ITSN2: variants seen among roughly 807,000 people sequenced by gnomAD.
ITSN2 encodes intersectin-2.
In ITSN2, 156 loss-of-function variants were observed where a neutral mutation model predicts 243.7. The ratio of observed to expected loss-of-function variants is 0.64; its 90% CI spans 0.56 to 0.73. ITSN2 has a LOEUF of 0.73. Among genes scored for constraint, ITSN2 ranks in the 30% least tolerant of loss-of-function variants. The pLI is 0.00. For synonymous variants in ITSN2, 703 were observed against 699.9 expected, an observed-to-expected ratio of 1.00 and a Z score of -0.07; for missense variants, 1,801 against 1,996.1, an observed-to-expected ratio of 0.90 and a Z score of 1.86.
chr2:24,342,001 T>A (rs1202081684), intron 1 of ITSN2, among the ~76,000 whole-genome samples: 2 of 152,116 alleles, frequency 1.3e-5, no homozygotes, highest in East Asian at 3.8e-4. Context: ...GGAGAGAAGT[T>A]ACCTAATGGA....
In ITSN2 at chr2:24,293,346, T is replaced by C. The variant is rs117510138; in HGVS notation, c.1723+342A>G. On this transcript the variant is annotated intron_variant, in intron 15 of 39. Coordinates refer to ENST00000355123, the MANE Select transcript of ITSN2 (RefSeq NM_006277.3). ...CCTCCTCCTGAACAGTTCTTTAAAA[T>C]CAGTGCAGGACTTTTCAAAATGCAC... 3.0e-4 allele frequency: 50 copies of C among 168,294 alleles called. No individual in the cohort carries two copies. The East Asian group carries it at 8.2e-3, about 27-fold the overall frequency. The allele number at this position is 168,294 out of a possible 1,614,324, so 10.4% of individuals were successfully genotyped here. A position where few individuals can be genotyped will look rare whatever the true frequency, so the allele number is the denominator to read the frequency against.
intron 29 of ITSN2, chr2:24,239,958 G>A (rs1296833416): frequency 6.6e-6 from 1 of 152,024 alleles, no homozygotes; most frequent in Non-Finnish European, 1.5e-5. Context: ...GGTACCTGAT[G>A]AACATATTAT....
Position 24,312,369 on chromosome 2 carries a change from T to C in ITSN2, c.195A>G (p.Leu65=), listed in dbSNP as rs373623979. ...PAPVLAEIWA[L]SDLNKDGKMD... Reference sequence around the variant, plus strand: ...TCTTCCCATCCTTGTTTAGGTCTGATAAAGCCCTAAAAGGAGCATGAGGTA... The same window carrying C: ...TCTTCCCATCCTTGTTTAGGTCTGACAAAGCCCTAAAAGGAGCATGAGGTA... Residue 65 remains leucine (L), a synonymous_variant, in exon 5 of 40, where the codon TTA becomes TTG. Coordinates refer to ENST00000355123, the MANE Select transcript of ITSN2 (RefSeq NM_006277.3). 227 of 1,607,984 alleles carry C rather than the reference T, an allele frequency of 1.4e-4. No individual in the cohort carries two copies. The highest frequency in any genetic ancestry group is 1.9e-4 in the Non-Finnish European group (219 of 1,176,834).
rs942109451 is a variant in ITSN2, at chr2:24,211,162, G to A, written c.4090-215C>T. 2.6e-5 allele frequency among the ~76,000 whole-genome samples: 4 copies of A among 152,224 alleles called. No homozygotes were observed. Among genetic ancestry groups the A allele is most frequent in the African/African-American group, 9.6e-5 (4 of 41,468 alleles). ...ACAGGTAACGCTGCTGTGACAAGGT[G>A]ACAGTGCTAAACGGATCAAGTGCTC... is the stretch of plus-strand genomic sequence containing the variant. On this transcript the variant is annotated intron_variant, in intron 33 of 39. Transcript: ENST00000355123. The surrounding 1 kb of genome is among the most constrained non-coding windows in gnomAD (Gnocchi z 4.1).
chr2:24,309,525 A>ATT (rs1056761493), intron 7 of ITSN2, among the ~76,000 whole-genome samples: 1 of 152,126 alleles, frequency 6.6e-6, no homozygotes, highest in African/African-American at 2.4e-5. Context: ...TGCATTTTAC[A>ATT]TTTTTTTAAA....
chr2:24,231,236 T>C (rs1416072522), intron 29 of ITSN2, among the ~76,000 whole-genome samples: 1 of 152,362 alleles, frequency 6.6e-6, no homozygotes, highest in South Asian at 2.1e-4. Context: ...GTTCGTTTTC[T>C]GTTTTAGCCT....
rs2151614713 is a variant in ITSN2 at position 24,293,774 on chromosome 2, T to C, written c.1637A>G (p.Glu546Gly). Residue 546 changes from glutamate (E) to glycine (G), a missense_variant and splice_region_variant, in exon 15 of 40, where the codon GAA becomes GGA. By Grantham distance (98) the Glu-to-Gly change is moderately conservative. This residue lies in a region of ITSN2 where 787 missense variants were observed against 803.9 expected (regional missense o/e 0.98). Coordinates refer to ENST00000355123, the MANE Select transcript of ITSN2 (RefSeq NM_006277.3). ...CAGATAGATAAGCTTATTCTGATAT[T>C]CCTTATAAAAAGAAAAAATAGTACC... ...EIKQLQQELQ[E>G]YQNKLIYLVP... 1.1e-6 allele frequency: 1 copy of C among 942,210 alleles called. No individual in the cohort carries two copies. Among genetic ancestry groups the C allele is most frequent in the East Asian group, 2.8e-5 (1 of 36,220 alleles). 58.4% of individuals were successfully genotyped at this position (942,210 alleles called of 1,614,324 possible).
chr2:24,328,000 A>C, intron 2 of ITSN2, 52 bp downstream of exon 2: 1 of 96,050 alleles, frequency 1.0e-5, no homozygotes, highest in Non-Finnish European at 1.2e-5. Flanking sequence ...ACCTCTACCA[A>C]AAAAAAAAAA....
At chr2:24,219,703 GGGC>G (rs1283244321) in intron 30 of ITSN2, among the ~76,000 whole-genome samples, 3 of 152,266 alleles carry the variant, frequency 2.0e-5, no homozygotes, top group South Asian at 4.2e-4. Context: ...TCAGAGTATG[GGGC>G]AAGCACCCGG....
chr2:24,208,044 C>T (rs746243725), intron 37 of ITSN2, among the ~76,000 whole-genome samples, 193 bp downstream of exon 37: 12 of 151,940 alleles, frequency 7.9e-5, no homozygotes, highest in African/African-American at 2.2e-4. Flanking sequence ...ACTGCCAGCC[C>T]GTGTCTGTGT....
intron 29 of ITSN2, among the ~76,000 whole-genome samples, chr2:24,232,666 A>C (rs1329089730): frequency 6.6e-6 from 1 of 152,246 alleles, no homozygotes; most frequent in Non-Finnish European, 1.5e-5. Context: ...AATCCTCCGA[A>C]TAACTGATAA....
At chr2:24,272,347 G>A (rs1374951213) in intron 18 of ITSN2, among the ~76,000 whole-genome samples, 2 of 151,146 alleles carry the variant, frequency 1.3e-5, no homozygotes, top group African/African-American at 4.9e-5. Context: ...TATTCCCACT[G>A]TCCTATCTAA....
At chr2:24,253,469 C>T (rs145653934) in intron 24 of ITSN2, among the ~76,000 whole-genome samples, 95 of 152,332 alleles carry the variant, frequency 6.2e-4, no homozygotes, top group Non-Finnish European at 1.2e-3. Context: ...GACGTTCCCC[C>T]GTTCCTTGGC....
chr2:24,360,083 G>A (rs1321660825), intron 1 of ITSN2, among the ~76,000 whole-genome samples: 1 of 152,052 alleles, frequency 6.6e-6, no homozygotes, highest in African/African-American at 2.4e-5. Flanking sequence ...GTCTGTCCCG[G>A]CCCGGCAGCA....
At chr2:24,307,238 TAA>T (rs1682668248) in intron 8 of ITSN2, among the ~76,000 whole-genome samples, 1 of 152,126 alleles carries the variant, frequency 6.6e-6, no homozygotes, top group Non-Finnish European at 1.5e-5. Context: ...CCACTGGCTA[TAA>T]GACATACTAT....
In ITSN2 at chr2:24,315,180, G is replaced by A. The variant is rs748445624; in HGVS notation, c.76C>T (p.His26Tyr). Residue 26 changes from histidine (H) to tyrosine (Y), a missense_variant, in exon 3 of 40, where the codon CAT (histidine) becomes TAT (tyrosine). This residue lies in a region of ITSN2 where 77 missense variants were observed against 90.1 expected (regional missense o/e 0.85). Coordinates refer to ENST00000355123, the MANE Select transcript of ITSN2 (RefSeq NM_006277.3). ...TTGAGGTTATCAAACTGCCTGTCAT[G>A]CTTAGTACGTTCTTCAGAGGTAATA... ...WAITSEERTK[H>Y]DRQFDNLKPS... 6.2e-7 allele frequency: 1 copy of A among 1,612,630 alleles called. No homozygotes were observed. Among genetic ancestry groups the A allele is most frequent in the Non-Finnish European group, 8.5e-7 (1 of 1,178,976 alleles).
chr2:24,301,289 A>C, intron 10 of ITSN2, 50 bp from the exon 11 acceptor site: 1 of 1,113,278 alleles, frequency 9.0e-7, no homozygotes. Flanking sequence ...GGACATTTTC[A>C]GACTAGATTA....
intron 20 of ITSN2, among the ~76,000 whole-genome samples, chr2:24,265,702 GTTTC>G: frequency 6.6e-6 from 1 of 152,262 alleles, no homozygotes; most frequent in East Asian, 1.9e-4. Flanking sequence ...TGAAATTACA[GTTTC>G]TTTGTCAGGT....
In ITSN2 at chr2:24,292,563, C is replaced by G. The variant is rs1320431152; in HGVS notation, c.1723+1125G>C. On this transcript the variant is annotated intron_variant, in intron 15 of 39. Coordinates refer to ENST00000355123, the MANE Select transcript of ITSN2 (RefSeq NM_006277.3). ...GTGAACTTCATTTCTGATATTTCTT[C>G]CACGTGAAGGGCCCTGCACTAGCCC... Among the ~76,000 whole-genome samples the G allele has an allele frequency of 3.9e-5, 6 of 152,298 alleles. No homozygotes were observed. In the East Asian group the frequency reaches 9.6e-4, roughly 24 times the overall value.
Sources: gnomAD v4.1 joint callset for allele counts (sites outside exome capture counted in the v4.1 genomes callset) on GRCh38, gnomAD v4.1.1 for gene constraint, gnomAD v4.1.1 regional missense constraint, Gnocchi (gnomAD v3.1) non-coding constraint, MANE v1.5 for transcripts, NCBI Gene and HGNC (gene_info 2026-07-23, HGNC 2026-07-21) for gene names.